Variants in MMADHC observed in about 807,000 individuals in gnomAD.
MMADHC encodes the protein metabolism of cobalamin associated D, also known as cobalamin trafficking protein CblD.
Under a neutral mutation model 36.3 loss-of-function variants are expected in MMADHC, and 23 were observed. The observed-to-expected ratio is 0.63, with a 90% CI of 0.46 to 0.90. The LOEUF is 0.90. Among genes scored for constraint, MMADHC ranks in the 40% least tolerant of loss-of-function variants. The pLI is 0.00. For synonymous variants in MMADHC, 97 were observed against 116.1 expected, an observed-to-expected ratio of 0.84 and a Z score of 1.06; for missense variants, 330 against 348.0, an observed-to-expected ratio of 0.95 and a Z score of 0.41.
chr2:149,580,482 C>T (rs1434822635), intron 3 of MMADHC, among the ~76,000 whole-genome samples: 1 of 151,984 alleles, frequency 6.6e-6, no homozygotes, highest in Non-Finnish European at 1.5e-5. Context: ...AAAAAAAATC[C>T]TAACTTATAA....
At chr2:149,581,523 G>A (rs1239483727) in intron 3 of MMADHC, among the ~76,000 whole-genome samples, 3 of 152,100 alleles carry the variant, frequency 2.0e-5, no homozygotes, top group African/African-American at 7.2e-5. Flanking sequence ...CTCCAAGGCA[G>A]GAATATGGCA....
chr2:149,575,863 C>A (rs12232959), intron 5 of MMADHC, 22 bp from the exon 6 acceptor site: 1 of 1,556,836 alleles, frequency 6.4e-7, no homozygotes, highest in Non-Finnish European at 8.8e-7. Flanking sequence ...AATAAACATT[C>A]CAGGTAGAAA....
chr2:149,573,888 T>A (rs114628672), intron 6 of MMADHC, among the ~76,000 whole-genome samples: 1 of 152,058 alleles, frequency 6.6e-6, no homozygotes, highest in Non-Finnish European at 1.5e-5. Flanking sequence ...AAAAACCAGC[T>A]GAAGTATTTT....
intron 3 of MMADHC, among the ~76,000 whole-genome samples, chr2:149,579,976 A>G (rs911717584): frequency 1.6e-4 from 24 of 152,248 alleles, no homozygotes; most frequent in African/African-American, 5.8e-4. Context: ...ATGCGTTAAA[A>G]GAAAAAGCTA....
intron 5 of MMADHC, 87 bp downstream of exon 5, chr2:149,576,350 A>T: frequency 1.1e-6 from 1 of 898,908 alleles, no homozygotes; most frequent in Non-Finnish European, 1.9e-6. Context: ...ATATTAAGGT[A>T]TACAGCGTTC....
chr2:149,574,409 A>G (rs112444099), intron 6 of MMADHC, among the ~76,000 whole-genome samples: 2,522 of 152,314 alleles, frequency 0.017, 83 homozygotes, highest in African/African-American at 0.057. Context: ...AAATTATAAT[A>G]TTGTTGAATA....
chr2:149,587,112 A>G lies in MMADHC; in HGVS notation c.-15T>C, dbSNP rs1558850489. The G allele has an allele frequency of 1.2e-6, 2 of 1,613,588 alleles. No individual in the cohort carries two copies. Among genetic ancestry groups the G allele is most frequent in the African/African-American group, 2.7e-5 (2 of 75,050 alleles). On this transcript the variant is annotated 5_prime_UTR_variant, in exon 2 of 8. Transcript: ENST00000303319. ...ACATTGGCCATCTCCGCTGGAGAAG[A>G]TAGTTCGCAAAATAGCTTTCCTTTG...
At chr2:149,578,448 T>A (rs1163192827) in intron 4 of MMADHC, among the ~76,000 whole-genome samples, 1 of 152,150 alleles carries the variant, frequency 6.6e-6, no homozygotes, top group Non-Finnish European at 1.5e-5. Context: ...TGGGGACTTG[T>A]GAGACATCCA....
intron 1 of MMADHC, 149 bp from the exon 2 acceptor site, chr2:149,587,298 G>GTCCCCATGCCAGGCACAGAT: frequency 3.2e-6 from 2 of 630,916 alleles, no homozygotes; most frequent in Non-Finnish European, 5.7e-6. Flanking sequence ...GCCAGAACTC[G>GTCCCCATGCCAGGCACAGAT]CCCCCATGCC....
intron 4 of MMADHC, among the ~76,000 whole-genome samples, chr2:149,577,202 G>C (rs1682730607): frequency 6.6e-6 from 1 of 152,188 alleles, no homozygotes; most frequent in African/African-American, 2.4e-5. Flanking sequence ...TTACTTTGCT[G>C]GGAGGAATCA....
At chr2:149,585,881 G>A (rs1682862641) in intron 2 of MMADHC, among the ~76,000 whole-genome samples, 1 of 152,056 alleles carries the variant, frequency 6.6e-6, no homozygotes, top group African/African-American at 2.4e-5. Context: ...ACTTATAAAA[G>A]GATCTTCCCT....
chr2:149,571,761 C>A (rs1441401665), intron 6 of MMADHC, among the ~76,000 whole-genome samples: 1 of 134,556 alleles, frequency 7.4e-6, no homozygotes, highest in Non-Finnish European at 1.6e-5. Flanking sequence ...GCCTGGGCGA[C>A]AGAGCGAGAC....
intron 2 of MMADHC, among the ~76,000 whole-genome samples, chr2:149,583,810 C>A (rs1682826238): frequency 6.6e-6 from 1 of 152,188 alleles, no homozygotes; most frequent in Non-Finnish European, 1.5e-5. Flanking sequence ...AATTTACCCT[C>A]CCTTCCCTTA....
At chr2:149,578,456 CCAAA>C (rs1417526384) in intron 4 of MMADHC, among the ~76,000 whole-genome samples, 6 of 151,962 alleles carry the variant, frequency 3.9e-5, no homozygotes, top group African/African-American at 1.4e-4. Flanking sequence ...TGTGAGACAT[CCAAA>C]CAAAGATGGT....
chr2:149,584,678 T>A (rs1007845311), intron 2 of MMADHC, among the ~76,000 whole-genome samples: 2 of 152,164 alleles, frequency 1.3e-5, no homozygotes, highest in Non-Finnish European at 2.9e-5. Flanking sequence ...AATAAACCAG[T>A]ATCTAAATTG....
At chr2:149,576,297 T>A (rs1682715216) in intron 5 of MMADHC, 140 bp downstream of exon 5, 1 of 688,566 alleles carries the variant, frequency 1.5e-6, no homozygotes. Context: ...AAAGCCTTTA[T>A]CTTGGCCATG....
intron 4 of MMADHC, among the ~76,000 whole-genome samples, chr2:149,577,923 C>A (rs145563752): frequency 2.7e-4 from 41 of 152,236 alleles, no homozygotes; most frequent in African/African-American, 7.5e-4. Context: ...GAGGCTGAGG[C>A]AGGAGAATCA....
intron 6 of MMADHC, among the ~76,000 whole-genome samples, chr2:149,572,756 A>G (rs1482054835): frequency 1.3e-5 from 2 of 152,138 alleles, no homozygotes; most frequent in Non-Finnish European, 1.5e-5. Context: ...CTGTGCACTC[A>G]TGAGGCAAGA....
chr2:149,587,080 T>C lies in MMADHC; in HGVS notation c.9+9A>G. On this transcript the variant is annotated intron_variant, in intron 2 of 7. Coordinates refer to ENST00000303319, the MANE Select transcript of MMADHC (RefSeq NM_015702.3). ...TACTATGCTGATTCTTAAGAGATAA[T>C]TTACTCACATTGGCCATCTCCGCTG... 6.2e-7 allele frequency: 1 copy of C among 1,613,634 alleles called. No homozygotes were observed.
Sources: gnomAD v4.1 joint callset for allele counts (sites outside exome capture counted in the v4.1 genomes callset) on GRCh38, gnomAD v4.1.1 for gene constraint, MANE v1.5 for transcripts, NCBI Gene and HGNC (gene_info 2026-07-23, HGNC 2026-07-21) for gene names.